RHBDD1: variants seen among roughly 807,000 people sequenced by gnomAD.
The protein encoded by RHBDD1 is rhomboid-related protein 4.
In RHBDD1, 38 loss-of-function variants were observed where a neutral mutation model predicts 36.3. That is an observed-to-expected ratio of 1.05 (90% CI 0.81 to 1.37). The LOEUF (loss-of-function observed/expected upper bound fraction) is 1.37, where lower values mean the gene tolerates loss of function less well. RHBDD1 is among the 40% of genes most tolerant of loss of function. The probability of loss-of-function intolerance (pLI) is 0.00; values close to 1 mark genes in which losing one functional copy is unlikely to be tolerated. For missense variants in RHBDD1, 393 were observed against 377.6 expected (o/e 1.04, Z -0.34); for synonymous variants, 151 against 136.5 (o/e 1.11, Z -0.74).
intron 8 of RHBDD1, among the ~76,000 whole-genome samples, chr2:226,944,226 A>C (rs2149175424): frequency 6.6e-6 from 1 of 152,304 alleles, no homozygotes; most frequent in South Asian, 2.1e-4. Context: ...TCATCTTATT[A>C]CTCTAAGGAG....
chr2:226,918,172 TA>T (rs922010583), intron 8 of RHBDD1, among the ~76,000 whole-genome samples: 2 of 152,050 alleles, frequency 1.3e-5, no homozygotes, highest in Admixed American at 6.6e-5. Context: ...TCACTACATT[TA>T]TTTTTTTTAA....
At chr2:226,868,095 C>T (rs1026377045) in intron 5 of RHBDD1, among the ~76,000 whole-genome samples, 4 of 152,190 alleles carry the variant, frequency 2.6e-5, no homozygotes, top group East Asian at 1.9e-4. Context: ...TTACTTAACA[C>T]TCAAAATGTG....
intron 8 of RHBDD1, among the ~76,000 whole-genome samples, chr2:226,952,740 C>T (rs975286802): frequency 3.3e-5 from 5 of 152,104 alleles, no homozygotes; most frequent in Non-Finnish European, 7.3e-5. Context: ...ATGCCCACCT[C>T]ATGTAAAGAA....
chr2:226,897,988 AAAC>A (rs150899228), intron 5 of RHBDD1, among the ~76,000 whole-genome samples: 6 of 151,912 alleles, frequency 3.9e-5, no homozygotes, highest in East Asian at 1.9e-4. Context: ...TCAAAAAACA[AAAC>A]AACAACAACA....
chr2:226,891,248 G>A (rs1444802001), intron 5 of RHBDD1, among the ~76,000 whole-genome samples: 1 of 152,152 alleles, frequency 6.6e-6, no homozygotes. Flanking sequence ...GTGGTTGTGG[G>A]AGGAATTCAA....
At chr2:226,857,578 T>G (rs1943456874) in intron 3 of RHBDD1, among the ~76,000 whole-genome samples, 1 of 152,172 alleles carries the variant, frequency 6.6e-6, no homozygotes, top group Non-Finnish European at 1.5e-5. Flanking sequence ...ATTCATACAA[T>G]AAAATACTAT....
chr2:226,935,224 G>A (rs1260227795), intron 8 of RHBDD1: 1 of 152,048 alleles, frequency 6.6e-6, no homozygotes, highest in Non-Finnish European at 1.5e-5. Context: ...TAAAAACCGG[G>A]AAAGCCATAT....
At chr2:226,871,590 C>A (rs1944801678) in intron 5 of RHBDD1, among the ~76,000 whole-genome samples, 1 of 152,060 alleles carries the variant, frequency 6.6e-6, no homozygotes, top group Non-Finnish European at 1.5e-5. Context: ...TTTACTTTTC[C>A]ATGAAGTTGA....
chr2:226,857,406 A>G (rs1324380586), intron 3 of RHBDD1, among the ~76,000 whole-genome samples: 1 of 152,146 alleles, frequency 6.6e-6, no homozygotes, highest in African/African-American at 2.4e-5. Context: ...CATAAAGTCA[A>G]CCATATGAGC....
At chr2:226,836,316 G>C (rs16822727) in intron 1 of RHBDD1, 1,809 of 152,514 alleles carry the variant, frequency 0.012, 18 homozygotes, top group Admixed American at 0.021. Context: ...ACTCCACCTG[G>C]GGTCTTGTCG....
chr2:226,877,639 A>G (rs1945354943), intron 5 of RHBDD1, among the ~76,000 whole-genome samples: 1 of 151,688 alleles, frequency 6.6e-6, no homozygotes, highest in South Asian at 2.1e-4. Context: ...CCATGAAAAC[A>G]ACGGCTCATT....
chr2:226,819,191 A>C, the RHBDD1 span, among the ~76,000 whole-genome samples: 1 of 152,238 alleles, frequency 6.6e-6, no homozygotes, highest in Non-Finnish European at 1.5e-5. Flanking sequence ...GATATTCCAC[A>C]TTCAGACTTA....
At chr2:226,977,362 T>C (rs890193379) in intron 8 of RHBDD1, among the ~76,000 whole-genome samples, 4 of 152,150 alleles carry the variant, frequency 2.6e-5, no homozygotes, top group Non-Finnish European at 5.9e-5. Context: ...CCCCACTGAG[T>C]GTCCGAAATA....
chr2:226,812,599 G>A, the RHBDD1 span, among the ~76,000 whole-genome samples: 1 of 152,246 alleles, frequency 6.6e-6, no homozygotes, highest in Admixed American at 6.5e-5. Context: ...CCATGGTGGG[G>A]GGAAAAGTAA....
chr2:226,976,469 C>T (rs1282720733), intron 8 of RHBDD1, among the ~76,000 whole-genome samples: 1 of 152,020 alleles, frequency 6.6e-6, no homozygotes, highest in Non-Finnish European at 1.5e-5. Flanking sequence ...TTACCCACGC[C>T]TCCTTACCTG....
At chr2:226,839,733 A>G (rs1941403494) in intron 3 of RHBDD1, 106 bp downstream of exon 3, 2 of 151,946 alleles carry the variant, frequency 1.3e-5, no homozygotes, top group Non-Finnish European at 1.5e-5. Context: ...TATTGAGAAA[A>G]AAAAAAACCC....
intron 3 of RHBDD1, among the ~76,000 whole-genome samples, chr2:226,850,579 G>A (rs1188701811): frequency 6.6e-6 from 1 of 152,066 alleles, no homozygotes; most frequent in Non-Finnish European, 1.5e-5. Context: ...CTGAGATGGT[G>A]CCATCCTGGT....
At chr2:226,902,150 C>T (rs1322479037) in intron 5 of RHBDD1, among the ~76,000 whole-genome samples, 1 of 152,200 alleles carries the variant, frequency 6.6e-6, no homozygotes, top group Non-Finnish European at 1.5e-5. Context: ...AATGCTGCTT[C>T]GGATGGCATC....
At chr2:226,803,329 T>A in the RHBDD1 span, among the ~76,000 whole-genome samples, 2 of 151,768 alleles carry the variant, frequency 1.3e-5, no homozygotes, top group African/African-American at 4.9e-5. Context: ...TGTGTGTGTG[T>A]GTGTGAGAGA....
Sources: gnomAD v4.1 joint callset for allele counts (sites outside exome capture counted in the v4.1 genomes callset) on GRCh38, gnomAD v4.1.1 for gene constraint, MANE v1.5 for transcripts, NCBI Gene and HGNC (gene_info 2026-07-23, HGNC 2026-07-21) for gene names.